Variants in TNPO2 observed in about 807,000 individuals in gnomAD.
TNPO2 encodes transportin-2.
In TNPO2, 16 loss-of-function variants were observed where a neutral mutation model predicts 111.1. That is an observed-to-expected ratio of 0.14 (90% CI 0.10 to 0.22). TNPO2 has a LOEUF of 0.22. Ranked by LOEUF, TNPO2 falls within the 10% of genes least tolerant of loss-of-function variation. The pLI is 1.00. For missense variants in TNPO2, 530 were observed against 1,173.7 expected (o/e 0.45, Z 8.01); for synonymous variants, 481 against 475.8 (o/e 1.01, Z -0.14).
chr19:12,719,246 G>C lies in TNPO2; in HGVS notation c.175+15C>G. On this transcript the variant is annotated intron_variant, in intron 4 of 25. Coordinates refer to ENST00000425528, the MANE Select transcript of TNPO2 (RefSeq NM_001382241.1). The surrounding 1 kb of genome is among the most constrained non-coding windows in gnomAD (Gnocchi z 5.0). ...AGCAGGGTCCCGATCGCATGGAAGG[G>C]AGCAGAGGGCGTACCTTCTGACTTG... is the stretch of plus-strand genomic sequence containing the variant. 6.2e-7 allele frequency: 1 copy of C among 1,613,952 alleles called. No individual in the cohort carries two copies. Among genetic ancestry groups the C allele is most frequent in the Non-Finnish European group, 8.5e-7 (1 of 1,179,850 alleles).
At position 12,701,612 on chromosome 19, in the gene TNPO2, C is replaced by T. The variant is rs1321172065; in HGVS notation, c.2572G>A (p.Asp858Asn). The change falls in exon 24 of 26, where the codon GAC becomes AAC. Residue 858 changes from aspartate (D) to asparagine (N), a missense_variant. By Grantham distance (23) the Asp-to-Asn change is conservative. Around this residue, in one of 4 missense-constraint regions of TNPO2, gnomAD observed 103 missense variants for 156.7 expected, o/e 0.66. Transcript: ENST00000425528. The surrounding 1 kb of genome is among the most constrained non-coding windows in gnomAD (Gnocchi z 5.0). ...SWVSPKDDLR[D>N]MFYKILHGFK... ...CAGAGCCTCACCTTATAAAACATGTCCCGAAGGTCATCCTTCGGGCTCACC... is the reference window on the plus strand; with the variant it reads ...CAGAGCCTCACCTTATAAAACATGTTCCGAAGGTCATCCTTCGGGCTCACC... The T allele has an allele frequency of 1.9e-6, 3 of 1,613,820 alleles. No homozygotes were observed. The highest frequency in any genetic ancestry group is 4.5e-5 in the East Asian group (2 of 44,858).
chr19:12,708,261 A>G (rs2025820120), intron 13 of TNPO2, among the ~76,000 whole-genome samples: 1 of 152,028 alleles, frequency 6.6e-6, no homozygotes, highest in Non-Finnish European at 1.5e-5. Context: ...GCCTCCCAAT[A>G]GCTAGGACTA....
intron 18 of TNPO2, among the ~76,000 whole-genome samples, chr19:12,704,959 G>C (rs2025550458): frequency 6.6e-6 from 1 of 152,008 alleles, no homozygotes; most frequent in African/African-American, 2.4e-5. Context: ...CTGGATTATA[G>C]GCGTGAGCAC....
At chr19:12,704,605 T>C (rs2025524213) in intron 18 of TNPO2, among the ~76,000 whole-genome samples, 1 of 152,242 alleles carries the variant, frequency 6.6e-6, no homozygotes. Context: ...TACTTGAATC[T>C]TGGGATGTAG....
Position 12,701,485 on chromosome 19 carries a change from G to C in TNPO2, c.2587-32C>G, listed in dbSNP as rs766752731. ...GGAGGGTGGTGGTGAGGGGTAGGCA[G>C]GGGCAGAACAAGGGGAGTGCGCCTC... On this transcript the variant is annotated intron_variant, in intron 24 of 25. Transcript: ENST00000425528. The surrounding 1 kb of genome is among the most constrained non-coding windows in gnomAD (Gnocchi z 5.0). 8.7e-6 allele frequency: 14 copies of C among 1,606,802 alleles called. No homozygotes were observed. Among genetic ancestry groups the C allele is most frequent in the Non-Finnish European group, 1.0e-5 (12 of 1,173,636 alleles).
rs2026559383 is a variant in TNPO2, at chr19:12,719,656, G to A, written c.100-320C>T. 6.6e-6 allele frequency among the ~76,000 whole-genome samples: 1 copy of A among 152,098 alleles called. No homozygotes were observed. Among genetic ancestry groups the A allele is most frequent in the Admixed American group, 6.6e-5 (1 of 15,266 alleles). On this transcript the variant is annotated intron_variant, in intron 3 of 25. Coordinates refer to ENST00000425528, the MANE Select transcript of TNPO2 (RefSeq NM_001382241.1). This position sits in a 1 kb window ranked among gnomAD's most constrained non-coding sequence, Gnocchi z 5.0. Reference sequence around the variant, plus strand: ...ACTAAACATACAAAAAAATTATCCGGGCATGATGTGTGCGTGCCTCTATTC... The same window carrying A: ...ACTAAACATACAAAAAAATTATCCGAGCATGATGTGTGCGTGCCTCTATTC...
chr19:12,705,194 C>A lies in TNPO2; in HGVS notation c.2022+46G>T. The A allele has an allele frequency of 6.4e-7, 1 of 1,562,980 alleles. No individual in the cohort carries two copies. Among genetic ancestry groups the A allele is most frequent in the Non-Finnish European group, 8.7e-7 (1 of 1,152,246 alleles). On this transcript the variant is annotated intron_variant, in intron 18 of 25. Coordinates refer to ENST00000425528, the MANE Select transcript of TNPO2 (RefSeq NM_001382241.1). The surrounding 1 kb of genome is among the most constrained non-coding windows in gnomAD (Gnocchi z 7.2). ...GCCCTGACTCCCCACCAGGGGCAGC[C>A]CACGCAGGCTGCTGGGTGTCATCAC...
chr19:12,712,384 C>G (rs1599420857), intron 10 of TNPO2, among the ~76,000 whole-genome samples: 1 of 152,192 alleles, frequency 6.6e-6, no homozygotes, highest in Admixed American at 6.5e-5. Flanking sequence ...GCTCCTCCAC[C>G]TCTTGTGGAG....
intron 10 of TNPO2, among the ~76,000 whole-genome samples, chr19:12,713,377 C>T (rs1159992583): frequency 6.6e-6 from 1 of 152,018 alleles, no homozygotes; most frequent in African/African-American, 2.4e-5. Flanking sequence ...CAGGGGCTCA[C>T]ACCTGTCATT....
Position 12,701,720 on chromosome 19 carries a change from C to T in TNPO2, c.2511+32G>A, listed in dbSNP as rs1340570980. On this transcript the variant is annotated intron_variant, in intron 23 of 25. Coordinates refer to ENST00000425528, the MANE Select transcript of TNPO2 (RefSeq NM_001382241.1). The surrounding 1 kb of genome is among the most constrained non-coding windows in gnomAD (Gnocchi z 5.0). Reference sequence around the variant, plus strand: ...TGAGGGGCCGCCCGAGCCCAGCGCCCGCGCCTGCCCTCAGAGCCCAGCTGC... The same window carrying T: ...TGAGGGGCCGCCCGAGCCCAGCGCCTGCGCCTGCCCTCAGAGCCCAGCTGC... 4 of 1,612,992 alleles carry T rather than the reference C, an allele frequency of 2.5e-6. No homozygotes were observed. Among genetic ancestry groups the T allele is most frequent in the Admixed American group, 1.7e-5 (1 of 59,992 alleles).
At chr19:12,720,801 CCT>C in intron 3 of TNPO2, 76 bp downstream of exon 3, 1 of 1,462,330 alleles carries the variant, frequency 6.8e-7, no homozygotes, top group Non-Finnish European at 9.1e-7. Flanking sequence ...GGAGTCAGTC[CCT>C]CTCTTTCTCT....
chr19:12,723,209 A>G (rs1440594203), intron 2 of TNPO2, 40 bp downstream of exon 2: 1 of 152,240 alleles, frequency 6.6e-6, no homozygotes, highest in Non-Finnish European at 1.5e-5. Context: ...AAATGAACTA[A>G]TAAAATAAAC....
rs1389023702 is a variant in TNPO2, at chr19:12,719,798, T to TG, written c.100-463dup. Among the ~76,000 whole-genome samples the TG allele has an allele frequency of 7.4e-6, 1 of 134,260 alleles. No homozygotes were observed. The highest frequency in any genetic ancestry group is 3.8e-5 in the African/African-American group (1 of 26,152). The allele number at this position is 134,260 out of a possible 152,430, so 88.1% of individuals were successfully genotyped here. On this transcript the variant is annotated intron_variant, in intron 3 of 25. Coordinates refer to ENST00000425528, the MANE Select transcript of TNPO2 (RefSeq NM_001382241.1). The surrounding 1 kb of genome is among the most constrained non-coding windows in gnomAD (Gnocchi z 5.0). The stretch of plus-strand genomic sequence containing the variant: ...TGGGCGACAGAGCAAGACTCCATCT[T>TG]GAAAAAAAAAAAAATCATACAAGGA...
At position 12,715,005 on chromosome 19, in the gene TNPO2, GC is replaced by G; in HGVS notation, c.771+41del. ...GGTGGCTCCCTGACCCCTGCCACCG[GC>G]CCCCTGCCTGCCCGCCTGGGCTGGC... On this transcript the variant is annotated intron_variant, in intron 9 of 25. Transcript: ENST00000425528. This position sits in a 1 kb window ranked among gnomAD's most constrained non-coding sequence, Gnocchi z 7.1. 1 of 1,580,720 alleles carries G rather than the reference GC, an allele frequency of 6.3e-7. No homozygotes were observed. Among genetic ancestry groups the G allele is most frequent in the Non-Finnish European group, 8.6e-7 (1 of 1,164,626 alleles).
chr19:12,705,416 CAG>C lies in TNPO2; in HGVS notation c.1864-20_1864-19del, dbSNP rs768882335. On this transcript the variant is annotated intron_variant, in intron 17 of 25. Transcript: ENST00000425528. The surrounding 1 kb of genome is among the most constrained non-coding windows in gnomAD (Gnocchi z 7.2). ...GTGTACATCTAGACACAGATGCCGA[CAG>C]GGGCACGGGTAAGTGGAGCAGGCCC... The C allele has an allele frequency of 3.2e-6, 5 of 1,578,482 alleles. No homozygotes were observed. Among genetic ancestry groups the C allele is most frequent in the South Asian group, 1.2e-5 (1 of 86,232 alleles).
In TNPO2 at chr19:12,721,016, C is replaced by A. The variant is rs1384068956; in HGVS notation, c.-13-26G>T. 1.3e-6 allele frequency: 2 copies of A among 1,543,642 alleles called. No homozygotes were observed. The highest frequency in any genetic ancestry group is 1.7e-6 in the Non-Finnish European group (2 of 1,149,390). On this transcript the variant is annotated intron_variant, in intron 2 of 25. Coordinates refer to ENST00000425528, the MANE Select transcript of TNPO2 (RefSeq NM_001382241.1). The surrounding 1 kb of genome is among the most constrained non-coding windows in gnomAD (Gnocchi z 4.9). ...CTGCGGAGGTAGGGGCCGGGGTCAG[C>A]GCTGGGTCTCTGGGGCTCCGTGTGA... is the stretch of plus-strand genomic sequence containing the variant.
chr19:12,701,296 G>T lies in TNPO2; in HGVS notation c.*20+30C>A. 6.7e-7 allele frequency: 1 copy of T among 1,496,958 alleles called. No individual in the cohort carries two copies. Among genetic ancestry groups the T allele is most frequent in the Non-Finnish European group, 9.3e-7 (1 of 1,077,928 alleles). 92.7% of individuals were successfully genotyped at this position (1,496,958 alleles called of 1,614,324 possible). On this transcript the variant is annotated intron_variant, in intron 25 of 25. Transcript: ENST00000425528. The surrounding 1 kb of genome is among the most constrained non-coding windows in gnomAD (Gnocchi z 5.0). ...CTGGGACCTTTCGGCCCCCAAGACA[G>T]TGCTGACTTGCCAGCTGCAGTCTCC...
chr19:12,721,074 C>T lies in TNPO2; in HGVS notation c.-13-84G>A. 1.3e-6 allele frequency: 2 copies of T among 1,531,054 alleles called. No individual in the cohort carries two copies. The highest frequency in any genetic ancestry group is 1.7e-6 in the Non-Finnish European group (2 of 1,144,588). 94.8% of individuals were successfully genotyped at this position (1,531,054 alleles called of 1,614,324 possible). A position where few individuals can be genotyped will look rare whatever the true frequency, so the allele number is the denominator to read the frequency against. ...GTGGAGCCCCTGAGGCCGCGGTGGC[C>T]GCATGACGACGGGAACGCCCTCGGC... On this transcript the variant is annotated intron_variant, in intron 2 of 25. Coordinates refer to ENST00000425528, the MANE Select transcript of TNPO2 (RefSeq NM_001382241.1). This position sits in a 1 kb window ranked among gnomAD's most constrained non-coding sequence, Gnocchi z 4.9.
Position 12,715,253 on chromosome 19 carries a change from G to C in TNPO2, c.638C>G (p.Thr213Ser). ...RAQALMDNID[T>S]FIEHLFALAV... ...AGCCCAGCGGCCCACCTCGATGAAG[G>C]TGTCAATATTGTCCATCAGCGCCTG... Residue 213 changes from threonine to serine, a missense_variant, in exon 8 of 26, where the codon ACC becomes AGC. By Grantham distance (58) the Thr-to-Ser change is moderately conservative. Transcript: ENST00000425528. This position sits in a 1 kb window ranked among gnomAD's most constrained non-coding sequence, Gnocchi z 7.1. 1 of 1,613,678 alleles carries C rather than the reference G, an allele frequency of 6.2e-7. No individual in the cohort carries two copies. The highest frequency in any genetic ancestry group is 8.5e-7 in the Non-Finnish European group (1 of 1,179,786).
Sources: allele counts gnomAD v4.1 joint callset (sites outside exome capture counted in the v4.1 genomes callset), GRCh38; gene constraint gnomAD v4.1.1; regional missense constraint gnomAD v4.1.1; non-coding constraint Gnocchi (gnomAD v3.1); transcripts MANE v1.5; gene names NCBI Gene and HGNC (gene_info 2026-07-23, HGNC 2026-07-21).